Variants in IMMP2L observed in about 807,000 individuals in gnomAD.
IMMP2L encodes the protein mitochondrial inner membrane protease subunit 2.
In IMMP2L, 18 loss-of-function variants were observed where a neutral mutation model predicts 19.3. That is an observed-to-expected ratio of 0.93 (90% confidence interval 0.64 to 1.38). The LOEUF (loss-of-function observed/expected upper bound fraction) is 1.38. Among genes scored for constraint, IMMP2L ranks in the 40% most tolerant of loss-of-function variants. IMMP2L has a pLI of 0.00. For synonymous variants in IMMP2L, 76 were observed against 73.0 expected (o/e 1.04, Z -0.21); for missense variants, 233 against 218.2 (o/e 1.07, Z -0.43).
chr7:111,015,344 C>G (rs1825390933), intron 3 of IMMP2L, among the ~76,000 whole-genome samples: 1 of 152,034 alleles, frequency 6.6e-6, no homozygotes, highest in African/African-American at 2.4e-5. Flanking sequence ...AATGAGGTAT[C>G]TAAACTAGTT....
intron 3 of IMMP2L, among the ~76,000 whole-genome samples, chr7:111,166,638 A>G (rs1805853160): frequency 1.3e-5 from 2 of 151,960 alleles, no homozygotes; most frequent in Admixed American, 1.3e-4. Flanking sequence ...GCGGCTTCCA[A>G]GAGAAATTTA....
intron 5 of IMMP2L, among the ~76,000 whole-genome samples, 196 bp from the exon 6 acceptor site, chr7:110,663,917 C>G (rs1401992730): frequency 6.6e-6 from 1 of 152,116 alleles, no homozygotes; most frequent in Non-Finnish European, 1.5e-5. Flanking sequence ...TAGCATTTTT[C>G]TAGGTGCTAT....
chr7:111,056,119 T>C (rs1171559433), intron 3 of IMMP2L, among the ~76,000 whole-genome samples: 1 of 152,246 alleles, frequency 6.6e-6, no homozygotes, highest in East Asian at 1.9e-4. Flanking sequence ...ACAACTAATA[T>C]ATCTCTGAGT....
intron 3 of IMMP2L, among the ~76,000 whole-genome samples, chr7:111,156,171 A>AT (rs1269780362): frequency 2.0e-5 from 3 of 151,946 alleles, no homozygotes; most frequent in Admixed American, 6.6e-5. Flanking sequence ...TCTTGTATAG[A>AT]TTTTTTGGTA....
At chr7:111,361,980 A>T (rs1323806331) in intron 3 of IMMP2L, among the ~76,000 whole-genome samples, 2 of 152,154 alleles carry the variant, frequency 1.3e-5, no homozygotes, top group African/African-American at 4.8e-5. Flanking sequence ...TTCAGTTGAC[A>T]TGTAAAAATT....
chr7:111,149,390 T>TG (rs937700729), intron 3 of IMMP2L, among the ~76,000 whole-genome samples: 7 of 152,160 alleles, frequency 4.6e-5, no homozygotes, highest in Non-Finnish European at 8.8e-5. Context: ...TTGAACAACG[T>TG]GGGGTTTAGG....
chr7:110,816,131 C>T (rs576909380), intron 5 of IMMP2L, among the ~76,000 whole-genome samples: 41 of 152,220 alleles, frequency 2.7e-4, no homozygotes, highest in African/African-American at 9.4e-4. Context: ...CTACACATTG[C>T]TTTGAATGTG....
chr7:110,694,176 G>GT lies in IMMP2L; in HGVS notation c.409-30456dup, dbSNP rs5886572. 9.3e-3 allele frequency among the ~76,000 whole-genome samples: 1,410 copies of GT among 152,094 alleles called. 24 individuals are homozygous for GT. Among genetic ancestry groups the GT allele is most frequent in the African/African-American group, 0.031 (1,304 of 41,470 alleles). ...CTTTTTATTTCTTTTTCCAATTCAA[G>GT]TTTTTACCTTTGAACAAAGAAAAAA... is the stretch of plus-strand genomic sequence containing the variant. On this transcript the variant is annotated intron_variant, in intron 5 of 5. Transcript: ENST00000405709.
At chr7:110,993,124 T>G (rs1352190891) in intron 3 of IMMP2L, among the ~76,000 whole-genome samples, 1 of 152,134 alleles carries the variant, frequency 6.6e-6, no homozygotes, top group African/African-American at 2.4e-5. Flanking sequence ...CAATTTTTTT[T>G]TTAAAACAGG....
chr7:111,254,768 G>A (rs1333365329), intron 3 of IMMP2L, among the ~76,000 whole-genome samples: 1 of 151,962 alleles, frequency 6.6e-6, no homozygotes, highest in Non-Finnish European at 1.5e-5. Context: ...AAAAAAGTCA[G>A]CCCTCTGTAA....
intron 3 of IMMP2L, among the ~76,000 whole-genome samples, chr7:110,966,884 T>C (rs182885043): frequency 6.6e-6 from 1 of 152,078 alleles, no homozygotes; most frequent in South Asian, 2.1e-4. Context: ...TTGGCCACTT[T>C]CCTATCTCCT....
At chr7:111,287,530 A>C (rs1444489283) in intron 3 of IMMP2L, among the ~76,000 whole-genome samples, 1 of 147,748 alleles carries the variant, frequency 6.8e-6, no homozygotes. Flanking sequence ...TTTGTTCCAC[A>C]AAATCAAGAA....
intron 3 of IMMP2L, among the ~76,000 whole-genome samples, chr7:111,069,459 A>G (rs546033663): frequency 2.4e-4 from 37 of 152,340 alleles, no homozygotes; most frequent in Admixed American, 2.6e-4. Flanking sequence ...TTAGAAACTT[A>G]CAGTGGGTAC....
chr7:110,753,291 A>G (rs1207911923), intron 5 of IMMP2L, among the ~76,000 whole-genome samples: 3 of 152,042 alleles, frequency 2.0e-5, no homozygotes, highest in African/African-American at 7.2e-5. Flanking sequence ...ATGATCTTAG[A>G]TATTAGAAAA....
intron 3 of IMMP2L, among the ~76,000 whole-genome samples, chr7:111,018,787 TTTA>T (rs61180550): frequency 0.12 from 16,370 of 141,274 alleles, 998 homozygotes; most frequent in Non-Finnish European, 0.12. Flanking sequence ...TGTGTGTCTT[TTTA>T]TTATTATTAT....
chr7:110,753,324 G>A (rs1797843185), intron 5 of IMMP2L, among the ~76,000 whole-genome samples: 1 of 152,012 alleles, frequency 6.6e-6, no homozygotes, highest in Non-Finnish European at 1.5e-5. Flanking sequence ...AAGTATGGAT[G>A]ACCCACGGTG....
intron 1 of IMMP2L, among the ~76,000 whole-genome samples, chr7:111,526,575 C>A (rs1444632540): frequency 6.6e-6 from 1 of 152,126 alleles, no homozygotes; most frequent in South Asian, 2.1e-4. Context: ...AATGAACAAA[C>A]CACACTCTCA....
chr7:110,712,118 G>GT (rs1794913747), intron 5 of IMMP2L, among the ~76,000 whole-genome samples: 1 of 102,148 alleles, frequency 9.8e-6, no homozygotes, highest in African/African-American at 2.9e-5. Context: ...TTTCTGTTCC[G>GT]TTTTTTCCCC....
At chr7:110,817,567 C>T (rs1393510431) in intron 5 of IMMP2L, among the ~76,000 whole-genome samples, 1 of 152,098 alleles carries the variant, frequency 6.6e-6, no homozygotes, top group East Asian at 1.9e-4. Context: ...CATGCCATCC[C>T]CGTCAAGCTA....
Sources: gnomAD v4.1 joint callset for allele counts (sites outside exome capture counted in the v4.1 genomes callset) on GRCh38, gnomAD v4.1.1 for gene constraint, MANE v1.5 for transcripts, NCBI Gene and HGNC (gene_info 2026-07-23, HGNC 2026-07-21) for gene names.